Variants in CNTNAP3B observed in about 807,000 individuals in gnomAD.
CNTNAP3B encodes the protein contactin-associated protein-like 3B.
A neutral mutation model predicts 108.9 loss-of-function variants in CNTNAP3B; 25 were observed. The observed-to-expected ratio is 0.23, with a 90% CI of 0.17 to 0.32. The LOEUF (loss-of-function observed/expected upper bound fraction) is 0.32, where lower values mean the gene tolerates loss of function less well. CNTNAP3B is among the 10% of genes least tolerant of loss of function. The pLI is 1.00. For synonymous variants in CNTNAP3B, 103 were observed against 473.4 expected, an observed-to-expected ratio of 0.22 and a Z score of 10.16; for missense variants, 252 against 1,210.4, an observed-to-expected ratio of 0.21 and a Z score of 11.75.
At position 42,055,015 on chromosome 9, in the gene CNTNAP3B, T is replaced by C. The variant is rs1181943685; in HGVS notation, c.390+21854A>G. 2.3e-4 allele frequency among the ~76,000 whole-genome samples: 33 copies of C among 142,314 alleles called. No individual in the cohort carries two copies. The East Asian group carries it at 6.4e-3, about 28-fold the overall frequency. The allele number at this position is 142,314 out of a possible 152,430, so 93.4% of individuals were successfully genotyped here. Reference sequence around the variant, plus strand: ...CTCACATCAAGATAAGGTCTTGATGTTCACTTTCAGGTTTTATATCAGTAT... The same window carrying C: ...CTCACATCAAGATAAGGTCTTGATGCTCACTTTCAGGTTTTATATCAGTAT... On this transcript the variant is annotated intron_variant, in intron 3 of 23. Coordinates refer to ENST00000377561, the MANE Select transcript of CNTNAP3B (RefSeq NM_001201380.3).
chr9:41,987,870 CAG>C (rs1278948284), intron 8 of CNTNAP3B, among the ~76,000 whole-genome samples: 3 of 136,240 alleles, frequency 2.2e-5, no homozygotes, highest in Non-Finnish European at 4.9e-5. Flanking sequence ...TTTAGACTAA[CAG>C]AAATTTTCCT....
chr9:42,097,686 A>T (rs1827936500), intron 2 of CNTNAP3B, among the ~76,000 whole-genome samples: 1 of 137,216 alleles, frequency 7.3e-6, no homozygotes, highest in Non-Finnish European at 1.6e-5. Flanking sequence ...TGTGAAATAT[A>T]TATTGCCTTT....
intron 18 of CNTNAP3B, among the ~76,000 whole-genome samples, chr9:41,918,112 C>T (rs1204248632): frequency 3.3e-5 from 5 of 151,778 alleles, no homozygotes; most frequent in Admixed American, 1.3e-4. Context: ...CCTTATGTGG[C>T]CAGCCTGGAA....
intron 3 of CNTNAP3B, among the ~76,000 whole-genome samples, chr9:42,025,019 C>A (rs1400704441): frequency 1.4e-5 from 2 of 145,836 alleles, no homozygotes; most frequent in Non-Finnish European, 3.0e-5. Context: ...GTGAATAATT[C>A]TAACTGGGCA....
At chr9:41,932,803 C>T (rs1264502069) in intron 14 of CNTNAP3B, among the ~76,000 whole-genome samples, 1 of 152,178 alleles carries the variant, frequency 6.6e-6, no homozygotes, top group Non-Finnish European at 1.5e-5. Flanking sequence ...CAGGTGTGAG[C>T]CACCGCGCCC....
chr9:41,939,659 G>A lies in CNTNAP3B; in HGVS notation c.2081-1259C>T, dbSNP rs908684638. On this transcript the variant is annotated intron_variant, in intron 13 of 23. Coordinates refer to ENST00000377561, the MANE Select transcript of CNTNAP3B (RefSeq NM_001201380.3). The stretch of plus-strand genomic sequence containing the variant: ...TCGGAATGCCACTTTAAAAGTTACC[G>A]ACTTCACCATTAAACTGTCGCAGAT... Among the ~76,000 whole-genome samples the A allele has an allele frequency of 5.9e-5, 9 of 152,398 alleles. No individual in the cohort carries two copies. In the South Asian group the frequency reaches 6.2e-4, roughly 11 times the overall value.
At chr9:42,079,085 A>ATT (rs1827556753) in intron 2 of CNTNAP3B, among the ~76,000 whole-genome samples, 4 of 148,560 alleles carry the variant, frequency 2.7e-5, no homozygotes, top group African/African-American at 1.0e-4. Flanking sequence ...GCATCTAGCA[A>ATT]GGGGCCCACA....
intron 3 of CNTNAP3B, among the ~76,000 whole-genome samples, chr9:42,064,819 G>GTA (rs1235842045): frequency 5.6e-5 from 8 of 143,178 alleles, no homozygotes; most frequent in African/African-American, 1.6e-4. Flanking sequence ...ATTCCATGGT[G>GTA]TATATATATA....
intron 14 of CNTNAP3B, among the ~76,000 whole-genome samples, chr9:41,929,961 A>C (rs1252982360): frequency 6.6e-6 from 1 of 152,166 alleles, no homozygotes; most frequent in East Asian, 1.9e-4. Flanking sequence ...GGGAAAAATC[A>C]AGAAGGTAAC....
rs1422033762 is a variant in CNTNAP3B, at chr9:42,112,822, T to G, written c.86-8083A>C. Among the ~76,000 whole-genome samples, 10 of 132,130 alleles carry G rather than the reference T, an allele frequency of 7.6e-5. No homozygotes were observed. The South Asian group carries it at 2.0e-3, about 26-fold the overall frequency. 86.7% of individuals were successfully genotyped at this position (132,130 alleles called of 152,430 possible). A position where few individuals can be genotyped will look rare whatever the true frequency, so the allele number is the denominator to read the frequency against. Reference sequence around the variant, plus strand: ...ACCAAGGACTTTATTCTATGAGAACTACAAAAGACACAACACAAATGAAGA... The same window carrying G: ...ACCAAGGACTTTATTCTATGAGAACGACAAAAGACACAACACAAATGAAGA... On this transcript the variant is annotated intron_variant, in intron 1 of 23. Coordinates refer to ENST00000377561, the MANE Select transcript of CNTNAP3B (RefSeq NM_001201380.3).
intron 3 of CNTNAP3B, among the ~76,000 whole-genome samples, chr9:42,070,301 C>T (rs1268472708): frequency 8.6e-5 from 13 of 150,338 alleles, no homozygotes; most frequent in Admixed American, 6.6e-4. Context: ...AAGCTGTACA[C>T]GAAGATGGAG....
intron 3 of CNTNAP3B, among the ~76,000 whole-genome samples, chr9:42,066,457 A>C: frequency 1.1e-5 from 1 of 87,282 alleles, no homozygotes; most frequent in African/African-American, 4.7e-5. Flanking sequence ...ACAGAGTTTC[A>C]CTCTTGTTGC....
intron 3 of CNTNAP3B, among the ~76,000 whole-genome samples, chr9:42,062,538 G>C: frequency 1.0e-5 from 1 of 99,630 alleles, no homozygotes; most frequent in African/African-American, 4.2e-5. Context: ...GCACAGAGCT[G>C]GGTCTGGTTT....
intron 13 of CNTNAP3B, among the ~76,000 whole-genome samples, chr9:41,941,093 T>G (rs1197037193): frequency 6.7e-6 from 1 of 150,166 alleles, no homozygotes; most frequent in African/African-American, 2.5e-5. Flanking sequence ...GTGGGGAAGA[T>G]AAAGGACCCA....
intron 3 of CNTNAP3B, among the ~76,000 whole-genome samples, chr9:42,072,458 TA>T (rs1218535611): frequency 7.3e-6 from 1 of 136,726 alleles, no homozygotes; most frequent in Non-Finnish European, 1.6e-5. Flanking sequence ...TGACACCTTT[TA>T]AAATGATGTA....
At chr9:42,113,390 A>G (rs1564198428) in intron 1 of CNTNAP3B, among the ~76,000 whole-genome samples, 1 of 139,622 alleles carries the variant, frequency 7.2e-6, no homozygotes, top group Non-Finnish European at 1.5e-5. Flanking sequence ...TTCAATACCT[A>G]TTTTTAAACT....
intron 15 of CNTNAP3B, among the ~76,000 whole-genome samples, chr9:41,925,001 A>T (rs1451100266): frequency 4.6e-5 from 7 of 151,670 alleles, no homozygotes; most frequent in Non-Finnish European, 1.5e-5. Flanking sequence ...AGTGTGTCGC[A>T]GCAGCAGGCA....
At chr9:41,956,285 C>G (rs1824855561) in intron 12 of CNTNAP3B, among the ~76,000 whole-genome samples, 1 of 151,464 alleles carries the variant, frequency 6.6e-6, no homozygotes, top group Admixed American at 6.6e-5. Context: ...ACCGGGGAGG[C>G]CGAGGCAGAA....
Position 42,120,892 on chromosome 9 carries a change from A to T in CNTNAP3B, c.85+8118T>A, listed in dbSNP as rs1210978456. Among the ~76,000 whole-genome samples, 3 of 136,552 alleles carry T rather than the reference A, an allele frequency of 2.2e-5. No individual in the cohort carries two copies. The East Asian group carries it at 6.8e-4, about 31-fold the overall frequency. 89.6% of individuals were successfully genotyped at this position (136,552 alleles called of 152,430 possible). On this transcript the variant is annotated intron_variant, in intron 1 of 23. Transcript: ENST00000377561. Reference sequence around the variant, plus strand: ...ATGTAAATGACAAGTTAATGGGTGCAGCACACCAACATGGCACATGTATAC... The same window carrying T: ...ATGTAAATGACAAGTTAATGGGTGCTGCACACCAACATGGCACATGTATAC...
Sources: allele counts gnomAD v4.1 joint callset (sites outside exome capture counted in the v4.1 genomes callset), GRCh38; gene constraint gnomAD v4.1.1; transcripts MANE v1.5; gene names NCBI Gene and HGNC (gene_info 2026-07-23, HGNC 2026-07-21).